CAB39: variants seen among roughly 807,000 people sequenced by gnomAD.
CAB39 encodes calcium-binding protein 39.
In CAB39, 8 loss-of-function variants were observed where a neutral mutation model predicts 40.0. The ratio of observed to expected loss-of-function variants is 0.20; its 90% CI spans 0.12 to 0.36. The LOEUF is 0.36. CAB39 is among the 10% of genes least tolerant of loss of function. The pLI is 1.00. For synonymous variants in CAB39, 156 were observed against 141.6 expected (o/e 1.10, Z -0.72); for missense variants, 270 against 401.1 (o/e 0.67, Z 2.79).
At chr2:230,788,097 T>C (rs960695113) in intron 2 of CAB39, among the ~76,000 whole-genome samples, 1 of 152,232 alleles carries the variant, frequency 6.6e-6, no homozygotes, top group Non-Finnish European at 1.5e-5. Context: ...GTTTTGTGAA[T>C]CTGTGCAAAG....
rs375407301 is a variant in CAB39, at chr2:230,806,496, C to T, written c.568-3767C>T. Among the ~76,000 whole-genome samples, 7 of 152,114 alleles carry T rather than the reference C, an allele frequency of 4.6e-5. No homozygotes were observed. In the East Asian group the frequency reaches 1.3e-3, roughly 29 times the overall value. Reference sequence around the variant, plus strand: ...CGCTACACTTTAAGAGGCACATAGACAAATAGATGACTTTCAGAAGACAGT... The same window carrying T: ...CGCTACACTTTAAGAGGCACATAGATAAATAGATGACTTTCAGAAGACAGT... On this transcript the variant is annotated intron_variant, in intron 5 of 8. Transcript: ENST00000258418.
intron 2 of CAB39, among the ~76,000 whole-genome samples, chr2:230,765,745 G>C (rs1047147055): frequency 7.9e-5 from 12 of 151,998 alleles, no homozygotes; most frequent in African/African-American, 2.9e-4. Context: ...TACTACTACT[G>C]GCATCTAGTT....
intron 4 of CAB39, among the ~76,000 whole-genome samples, chr2:230,795,507 A>G (rs1331859164): frequency 6.6e-6 from 1 of 151,810 alleles, no homozygotes; most frequent in Admixed American, 6.6e-5. Context: ...GCTTTTTTTT[A>G]TTAGATTCGG....
At chr2:230,782,724 G>A (rs930106831) in intron 2 of CAB39, among the ~76,000 whole-genome samples, 2 of 151,780 alleles carry the variant, frequency 1.3e-5, no homozygotes, top group African/African-American at 4.8e-5. Context: ...TAAACAGTGT[G>A]GCCGTACTGT....
intron 1 of CAB39, 75 bp from the exon 2 acceptor site, chr2:230,759,884 C>A: frequency 3.6e-6 from 2 of 557,400 alleles, no homozygotes; most frequent in East Asian, 5.7e-5. Flanking sequence ...GGTTTTCTTC[C>A]CAGATTAGGA....
At chr2:230,800,144 G>T (rs1029983334) in intron 5 of CAB39, among the ~76,000 whole-genome samples, 1 of 152,088 alleles carries the variant, frequency 6.6e-6, no homozygotes, top group Non-Finnish European at 1.5e-5. Flanking sequence ...TCTTCTGAGG[G>T]TTCATTTTCA....
At chr2:230,812,682 T>C (rs1214878427) in intron 6 of CAB39, among the ~76,000 whole-genome samples, 1 of 152,196 alleles carries the variant, frequency 6.6e-6, no homozygotes, top group Non-Finnish European at 1.5e-5. Flanking sequence ...CTCAAATACA[T>C]ACCAAATAGA....
At chr2:230,758,110 C>T (rs1417423638) in intron 1 of CAB39, among the ~76,000 whole-genome samples, 1 of 151,998 alleles carries the variant, frequency 6.6e-6, no homozygotes, top group African/African-American at 2.4e-5. Context: ...CCAGCCTAGC[C>T]AACATGGTGA....
At position 230,798,753 on chromosome 2, in the gene CAB39, A is replaced by G. The variant is rs1376480641; in HGVS notation, c.423A>G (p.Leu141=). 1 of 1,595,654 alleles carries G rather than the reference A, an allele frequency of 6.3e-7. No individual in the cohort carries two copies. The highest frequency in any genetic ancestry group is 8.5e-7 in the Non-Finnish European group (1 of 1,170,098). ...GGTATGAATCTCCAGAAATAGCTCT[A>G]AATTGTGGAATAATGTTAAGAGAAT... The part of the protein sequence containing the change: ...LKGYESPEIA[L]NCGIMLRECI... The change falls in exon 5 of 9, where the codon CTA becomes CTG. Residue 141 remains leucine (L), a synonymous_variant. Coordinates refer to ENST00000258418, the MANE Select transcript of CAB39 (RefSeq NM_016289.4).
In CAB39 at chr2:230,790,345, T is replaced by C. The variant is rs1695872727; in HGVS notation, c.115-527T>C. The stretch of plus-strand genomic sequence containing the variant: ...CTCTATCTTGAGCAGAAGTAGAAGC[T>C]CTTTAGTGACTTTATATCTATCACT... On this transcript the variant is annotated intron_variant, in intron 2 of 8. Transcript: ENST00000258418. Among the ~76,000 whole-genome samples the C allele has an allele frequency of 2.0e-5, 3 of 152,318 alleles. No individual in the cohort carries two copies. In the South Asian group the frequency reaches 6.2e-4, roughly 32 times the overall value.
chr2:230,817,539 C>T (rs867345497), intron 7 of CAB39, among the ~76,000 whole-genome samples: 2 of 152,072 alleles, frequency 1.3e-5, no homozygotes, highest in Non-Finnish European at 2.9e-5. Context: ...GTCAGGCCTC[C>T]CGTAGACTTC....
At chr2:230,742,214 G>A (rs569339282) in intron 1 of CAB39, among the ~76,000 whole-genome samples, 32 of 151,916 alleles carry the variant, frequency 2.1e-4, no homozygotes, top group Non-Finnish European at 2.9e-4. Context: ...TTGCTCTGTC[G>A]CCCAGGCTGG....
chr2:230,770,557 A>G (rs2124930649), intron 2 of CAB39, among the ~76,000 whole-genome samples: 1 of 152,356 alleles, frequency 6.6e-6, no homozygotes, highest in South Asian at 2.1e-4. Context: ...ACCTTTCCAG[A>G]AAATTTAAGA....
At chr2:230,806,195 A>G (rs13386595) in intron 5 of CAB39, among the ~76,000 whole-genome samples, 22,567 of 152,234 alleles carry the variant, frequency 0.15, 2,506 homozygotes, top group African/African-American at 0.32. Context: ...CAGTGTTGTT[A>G]TTACTGACTT....
chr2:230,761,505 C>A (rs757386012), intron 2 of CAB39, among the ~76,000 whole-genome samples: 1 of 152,016 alleles, frequency 6.6e-6, no homozygotes, highest in Non-Finnish European at 1.5e-5. Flanking sequence ...TCTGTTGTAA[C>A]CTCTTAGAAT....
chr2:230,725,020 C>T lies in CAB39; in HGVS notation c.-44+11790C>T, dbSNP rs1348307829. On this transcript the variant is annotated intron_variant, in intron 1 of 8. Coordinates refer to ENST00000258418, the MANE Select transcript of CAB39 (RefSeq NM_016289.4). ...AGGGGAGAAAACTCCCAAAAGACCC[C>T]GGAGTACGTCGGAGGTGAGTACAAC... The T allele has an allele frequency of 4.3e-5, 51 of 1,196,910 alleles. No individual in the cohort carries two copies. The African/African-American group carries it at 4.4e-4, about 10-fold the overall frequency. The allele number at this position is 1,196,910 out of a possible 1,614,324, so 74.1% of individuals were successfully genotyped here.
rs114776256 is a variant in CAB39, at chr2:230,775,264, T to G, written c.114+15149T>G. ...TTCTTTTTTTTTTTTTGAAACAGAC[T>G]CTAGCTCTGTTGCGAGGCTGGAGTG... On this transcript the variant is annotated intron_variant, in intron 2 of 8. Coordinates refer to ENST00000258418, the MANE Select transcript of CAB39 (RefSeq NM_016289.4). Among the ~76,000 whole-genome samples the G allele has an allele frequency of 1.6e-3, 243 of 151,300 alleles. 1 individual carries two copies. Among genetic ancestry groups the G allele is most frequent in the Non-Finnish European group, 2.8e-3 (191 of 67,802 alleles).
At chr2:230,778,411 G>C (rs1256535062) in intron 2 of CAB39, among the ~76,000 whole-genome samples, 1 of 152,196 alleles carries the variant, frequency 6.6e-6, no homozygotes, top group Non-Finnish European at 1.5e-5. Flanking sequence ...GTCTTCTCGA[G>C]TCTTCTGAAA....
At chr2:230,760,505 A>G (rs533475735) in intron 2 of CAB39, among the ~76,000 whole-genome samples, 150 of 152,286 alleles carry the variant, frequency 9.8e-4, no homozygotes, top group Non-Finnish European at 1.6e-3. Flanking sequence ...GTTATCAGTT[A>G]TCTGCTTGGT....
Sources: gnomAD v4.1 joint callset for allele counts (sites outside exome capture counted in the v4.1 genomes callset) on GRCh38, gnomAD v4.1.1 for gene constraint, MANE v1.5 for transcripts, NCBI Gene and HGNC (gene_info 2026-07-23, HGNC 2026-07-21) for gene names.